The following SP6 variants were observed in gnomAD, a reference collection of about 807,000 sequenced individuals.
The protein encoded by SP6 is transcription factor Sp6.
A neutral mutation model predicts 23.4 loss-of-function variants in SP6; 10 were observed. The ratio of observed to expected loss-of-function variants is 0.43; its 90% CI spans 0.26 to 0.72. The LOEUF (loss-of-function observed/expected upper bound fraction) is 0.72. Ranked by LOEUF, SP6 falls within the 30% of genes least tolerant of loss-of-function variation. The pLI, the probability that SP6 is intolerant of heterozygous loss-of-function variation, is 0.23. For missense variants in SP6, 482 were observed against 523.8 expected (o/e 0.92, Z 0.78); for synonymous variants, 238 against 238.7 (o/e 1.00, Z 0.03).
chr17:47,867,698 C>G, the SP6 span, among the ~76,000 whole-genome samples: 1 of 152,208 alleles, frequency 6.6e-6, no homozygotes. Flanking sequence ...TCCTTTGGAC[C>G]AGGAGCGGAG....
the SP6 span, among the ~76,000 whole-genome samples, chr17:47,869,038 G>A: frequency 6.6e-6 from 1 of 152,230 alleles, no homozygotes; most frequent in African/African-American, 2.4e-5. Context: ...GACCCCAGGG[G>A]CGTGAGCCCT....
chr17:47,874,980 C>G, the SP6 span, among the ~76,000 whole-genome samples: 1 of 152,156 alleles, frequency 6.6e-6, no homozygotes, highest in South Asian at 2.1e-4. Flanking sequence ...AGCTGCCTCT[C>G]CCAAGTCTTC....
In SP6 at chr17:47,847,417, C is replaced by G; in HGVS notation, c.1013G>C (p.Gly338Ala). The change falls in exon 2 of 2, where the codon GGC becomes GCC. Residue 338 changes from glycine (G) to alanine (A), a missense_variant. Physicochemically the swap from Gly to Ala is moderately conservative, Grantham distance 60. Transcript: ENST00000536300. ...HLAKHMKTHE[G>A]AKEEAAGAAS... ...CGCCCCAGCCGCCTCCTCCTTGGCG[C>G]CCTCGTGGGTTTTCATGTGCTTGGC... 1 of 1,613,604 alleles carries G rather than the reference C, an allele frequency of 6.2e-7. No homozygotes were observed.
chr17:47,861,506 G>A, the SP6 span, among the ~76,000 whole-genome samples: 1 of 152,232 alleles, frequency 6.6e-6, no homozygotes, highest in South Asian at 2.1e-4. Context: ...GCCGAGGTGG[G>A]TGGATCACTT....
At chr17:47,868,435 C>A in the SP6 span, among the ~76,000 whole-genome samples, 3 of 152,232 alleles carry the variant, frequency 2.0e-5, no homozygotes, top group Non-Finnish European at 4.4e-5. Flanking sequence ...CGACCCAAGT[C>A]TTGGAAGCCA....
At chr17:47,872,219 G>A in the SP6 span, among the ~76,000 whole-genome samples, 1 of 152,324 alleles carries the variant, frequency 6.6e-6, no homozygotes, top group South Asian at 2.1e-4. Flanking sequence ...ATGCAGGCGC[G>A]TGCCCAGAGC....
At chr17:47,871,711 C>A in the SP6 span, among the ~76,000 whole-genome samples, 383 of 152,082 alleles carry the variant, frequency 2.5e-3, 1 homozygote, top group African/African-American at 8.9e-3. Context: ...CTCTGCCTCC[C>A]GGATTCAAGC....
chr17:47,869,855 T>C, the SP6 span, among the ~76,000 whole-genome samples: 2 of 152,256 alleles, frequency 1.3e-5, no homozygotes, highest in African/African-American at 4.8e-5. Context: ...TTTATGTATG[T>C]TCTATATTTA....
chr17:47,873,638 C>T, the SP6 span, among the ~76,000 whole-genome samples: 2,937 of 152,266 alleles, frequency 0.019, 116 homozygotes, highest in African/African-American at 0.067. Context: ...AGGCTCTTCC[C>T]GAGTTGAGCC....
At chr17:47,850,179 T>C (rs1290544883) in intron 1 of SP6, among the ~76,000 whole-genome samples, 1 of 151,952 alleles carries the variant, frequency 6.6e-6, no homozygotes, top group Admixed American at 6.6e-5. Context: ...GGCTGGAGGA[T>C]GGGAAGGCTA....
chr17:47,847,267 G>A lies in SP6; in HGVS notation c.*32C>T, dbSNP rs754512768. 6.8e-7 allele frequency: 1 copy of A among 1,474,924 alleles called. No individual in the cohort carries two copies. Among genetic ancestry groups the A allele is most frequent in the Non-Finnish European group, 9.0e-7 (1 of 1,111,404 alleles). 91.4% of individuals were successfully genotyped at this position (1,474,924 alleles called of 1,614,324 possible). A position where few individuals can be genotyped will look rare whatever the true frequency, so the allele number is the denominator to read the frequency against. On this transcript the variant is annotated 3_prime_UTR_variant, in exon 2 of 2. Transcript: ENST00000536300. ...TGGGGGCTCGCATCCAGTGCCCCCC[G>A]GGATACCCGCAGGGAGGCGGCACTG...
chr17:47,854,862 C>T (rs1356597756), upstream of SP6, among the ~76,000 whole-genome samples: 1 of 152,088 alleles, frequency 6.6e-6, no homozygotes, highest in African/African-American at 2.4e-5. Context: ...TCACTCACTC[C>T]TCTCCTCCAT....
chr17:47,857,464 G>A (rs1413445587), upstream of SP6, among the ~76,000 whole-genome samples: 1 of 152,172 alleles, frequency 6.6e-6, no homozygotes, highest in Non-Finnish European at 1.5e-5. Flanking sequence ...TGCTTAGGTA[G>A]CAGGTCCAGT....
rs369726946 is a variant in SP6 at position 47,847,776 on chromosome 17, C to T, written c.654G>A (p.Ser218=). The stretch of plus-strand genomic sequence containing the variant: ...CGGTCTGGCCTGAGCTGCGGGGCAC[C>T]GACCGCCGGGAGCCTTTGGGACGCG... ...GAARPKGSRR[S]VPRSSGQTVC... is the part of the protein sequence containing the mutation. The change falls in exon 2 of 2, where the codon TCG becomes TCA. Residue 218 remains serine (S), a synonymous_variant. Transcript: ENST00000536300. The T allele has an allele frequency of 6.5e-7, 1 of 1,550,066 alleles. No homozygotes were observed. Among genetic ancestry groups the T allele is most frequent in the Non-Finnish European group, 8.7e-7 (1 of 1,150,072 alleles).
In SP6 at chr17:47,847,206, C is replaced by G; in HGVS notation, c.*93G>C. On this transcript the variant is annotated 3_prime_UTR_variant, in exon 2 of 2. Coordinates refer to ENST00000536300, the MANE Select transcript of SP6 (RefSeq NM_001258248.2). ...CCTCCCTGAATAAATACGCACCTTC[C>G]CCTCTTCCTCAAGCCACCCCCAAGG... 7.7e-7 allele frequency: 1 copy of G among 1,293,354 alleles called. No homozygotes were observed. The highest frequency in any genetic ancestry group is 1.0e-6 in the Non-Finnish European group (1 of 967,272). 80.1% of individuals were successfully genotyped at this position (1,293,354 alleles called of 1,614,324 possible).
At chr17:47,856,515 G>A (rs1486203746), upstream of SP6, among the ~76,000 whole-genome samples, 1 of 152,126 alleles carries the variant, frequency 6.6e-6, no homozygotes, top group African/African-American at 2.4e-5. Context: ...AGGGAGAAGG[G>A]GCCTGAAGGT....
At chr17:47,854,807 A>G (rs2033986559), upstream of SP6, among the ~76,000 whole-genome samples, 1 of 152,176 alleles carries the variant, frequency 6.6e-6, no homozygotes, top group Admixed American at 6.5e-5. Flanking sequence ...GCAAGTTAGA[A>G]GCAGAGCTGG....
chr17:47,862,343 CAA>C, the SP6 span, among the ~76,000 whole-genome samples: 654 of 110,324 alleles, frequency 5.9e-3, 5 homozygotes, highest in African/African-American at 0.022. Flanking sequence ...GACTAAGTCT[CAA>C]AAAAAAAAAA....
chr17:47,860,778 G>A (rs1301676348), upstream of SP6, among the ~76,000 whole-genome samples: 1 of 151,850 alleles, frequency 6.6e-6, no homozygotes, highest in East Asian at 1.9e-4. Context: ...CTGAGAGTTG[G>A]CCTCATGGCC....
Sources: gnomAD v4.1 joint callset for allele counts (sites outside exome capture counted in the v4.1 genomes callset) on GRCh38, gnomAD v4.1.1 for gene constraint, MANE v1.5 for transcripts, NCBI Gene and HGNC (gene_info 2026-07-23, HGNC 2026-07-21) for gene names.